Variants in LHFPL2 observed in about 807,000 individuals in gnomAD.
LHFPL2 encodes LHFPL tetraspan subfamily member 2 protein.
LHFPL2 carries 7 observed loss-of-function variants against 17.5 expected under a neutral mutation model. That is an observed-to-expected ratio of 0.40 (90% CI 0.23 to 0.75). LHFPL2 has a LOEUF of 0.75. Ranked by LOEUF, LHFPL2 falls within the 30% of genes least tolerant of loss-of-function variation. LHFPL2 has a pLI of 0.37. For missense variants in LHFPL2, 241 were observed against 294.8 expected (o/e 0.82, Z 1.34); for synonymous variants, 134 against 116.2 (o/e 1.15, Z -0.99).
chr5:78,543,864 G>A (rs7737595), intron 3 of LHFPL2, among the ~76,000 whole-genome samples: 55,030 of 152,162 alleles, frequency 0.36, 10,942 homozygotes, highest in Middle Eastern at 0.47. Context: ...AGGCAGAGAA[G>A]ATGACTTGGG....
chr5:78,569,418 C>T (rs1037739055), intron 2 of LHFPL2, among the ~76,000 whole-genome samples: 12 of 152,178 alleles, frequency 7.9e-5, no homozygotes, highest in Admixed American at 7.2e-4. Flanking sequence ...ATACTATGCA[C>T]AAAGAGCACT....
chr5:78,512,762 C>CTTT (rs1317227243), intron 3 of LHFPL2, among the ~76,000 whole-genome samples: 2 of 134,032 alleles, frequency 1.5e-5, no homozygotes, highest in East Asian at 2.8e-4. Flanking sequence ...TGTAATTTTT[C>CTTT]TTTTCTTTTT....
chr5:78,631,678 G>A (rs1745253554), intron 2 of LHFPL2, among the ~76,000 whole-genome samples: 1 of 152,236 alleles, frequency 6.6e-6, no homozygotes, highest in Non-Finnish European at 1.5e-5. Flanking sequence ...GGTTATGCCT[G>A]TAATCCCAGC....
In LHFPL2 at chr5:78,510,297, G is replaced by A; in HGVS notation, c.-84C>T. ...GTCGGTGGGGAAGGAGGCTCGGGCGGCCCGGGAAGGAAGTCGCAGCTGCAG... is the reference window on the plus strand; with the variant it reads ...GTCGGTGGGGAAGGAGGCTCGGGCGACCCGGGAAGGAAGTCGCAGCTGCAG... On this transcript the variant is annotated 5_prime_UTR_variant, in exon 4 of 5. Coordinates refer to ENST00000380345, the MANE Select transcript of LHFPL2 (RefSeq NM_005779.3). The A allele has an allele frequency of 7.4e-7, 1 of 1,345,758 alleles. No homozygotes were observed. Among genetic ancestry groups the A allele is most frequent in the Non-Finnish European group, 1.0e-6 (1 of 998,820 alleles). The allele number at this position is 1,345,758 out of a possible 1,614,324, so 83.4% of individuals were successfully genotyped here. A position where few individuals can be genotyped will look rare whatever the true frequency, so the allele number is the denominator to read the frequency against.
chr5:78,561,304 G>T (rs553209211), intron 3 of LHFPL2, among the ~76,000 whole-genome samples: 1 of 152,356 alleles, frequency 6.6e-6, no homozygotes, highest in East Asian at 1.9e-4. Context: ...CAGTACCTCA[G>T]TCGCACTAGT....
intron 1 of LHFPL2, among the ~76,000 whole-genome samples, chr5:78,643,664 A>G (rs1399578921): frequency 6.6e-6 from 1 of 152,162 alleles, no homozygotes; most frequent in Non-Finnish European, 1.5e-5. Flanking sequence ...TACTAACCCC[A>G]TATATTGACT....
chr5:78,527,535 C>G (rs1755656616), intron 3 of LHFPL2, among the ~76,000 whole-genome samples: 1 of 151,990 alleles, frequency 6.6e-6, no homozygotes, highest in African/African-American at 2.4e-5. Flanking sequence ...AAATTTGGAC[C>G]AGCCTCCCAT....
chr5:78,552,614 G>A (rs1007062819), intron 3 of LHFPL2, among the ~76,000 whole-genome samples: 26 of 152,176 alleles, frequency 1.7e-4, no homozygotes, highest in African/African-American at 6.0e-4. Context: ...TGCTCCTCTG[G>A]CACGGCCAAA....
chr5:78,493,597 GC>G (rs1432628231), intron 4 of LHFPL2, among the ~76,000 whole-genome samples: 5 of 152,186 alleles, frequency 3.3e-5, no homozygotes, highest in African/African-American at 1.2e-4. Flanking sequence ...AGTGCAGTTT[GC>G]TTTGTAATAA....
At chr5:78,640,070 T>C (rs1363828032) in intron 1 of LHFPL2, among the ~76,000 whole-genome samples, 2 of 152,034 alleles carry the variant, frequency 1.3e-5, no homozygotes, top group Non-Finnish European at 2.9e-5. Flanking sequence ...TGCTGAACAA[T>C]AGAATCAGGA....
intron 3 of LHFPL2, among the ~76,000 whole-genome samples, chr5:78,517,298 C>T (rs1560193): frequency 0.4 from 60,154 of 152,112 alleles, 12,298 homozygotes; most frequent in African/African-American, 0.48. Flanking sequence ...ATGCTCACTG[C>T]CAAGTTTGTT....
intron 3 of LHFPL2, among the ~76,000 whole-genome samples, chr5:78,552,195 G>A (rs1004604668): frequency 7.3e-5 from 11 of 150,718 alleles, no homozygotes; most frequent in Middle Eastern, 3.4e-3. Flanking sequence ...GTGCAGTGGC[G>A]CGATCTTGGT....
chr5:78,523,454 C>T (rs755267870), intron 3 of LHFPL2, among the ~76,000 whole-genome samples: 1 of 151,948 alleles, frequency 6.6e-6, no homozygotes, highest in East Asian at 1.9e-4. Context: ...TAGAAGAAGG[C>T]GGGAGGACCA....
chr5:78,511,682 G>A (rs995002656), intron 3 of LHFPL2, among the ~76,000 whole-genome samples: 5 of 152,078 alleles, frequency 3.3e-5, no homozygotes, highest in South Asian at 4.2e-4. Context: ...TAAAATGCCC[G>A]TTTCTACACC....
Position 78,510,382 on chromosome 5 carries a change from A to AC in LHFPL2, c.-170dup. Reference sequence around the variant, plus strand: ...GGGACAGCGCTCCCGGACCCAGAGCACCGCCTGCGGCCTCACCTAGGGGAG... The same window carrying AC: ...GGGACAGCGCTCCCGGACCCAGAGCACCCGCCTGCGGCCTCACCTAGGGGAG... On this transcript the variant is annotated 5_prime_UTR_variant, in exon 4 of 5. Transcript: ENST00000380345. 1 of 679,078 alleles carries AC rather than the reference A, an allele frequency of 1.5e-6. No homozygotes were observed. Among genetic ancestry groups the AC allele is most frequent in the Non-Finnish European group, 2.4e-6 (1 of 414,832 alleles). 42.1% of individuals were successfully genotyped at this position (679,078 alleles called of 1,614,324 possible).
chr5:78,542,560 C>A (rs1197098499), intron 3 of LHFPL2, among the ~76,000 whole-genome samples: 4 of 152,182 alleles, frequency 2.6e-5, no homozygotes, highest in African/African-American at 7.2e-5. Flanking sequence ...AAGCCCACCT[C>A]CACGCCGTGC....
intron 2 of LHFPL2, among the ~76,000 whole-genome samples, chr5:78,603,707 T>C (rs1453147986): frequency 2.0e-5 from 3 of 152,074 alleles, no homozygotes; most frequent in Non-Finnish European, 4.4e-5. Flanking sequence ...AGCAAGACCC[T>C]ATTCTACTAA....
rs201507954 is a variant in LHFPL2, at chr5:78,575,124, G to C, written c.-244-10253C>G. ...TGCTCAGCTGTGCCTCAGGGACCAC[G>C]TGGCAAGAAGGAGGCTGCAGGCAAC... On this transcript the variant is annotated intron_variant, in intron 2 of 4. Transcript: ENST00000380345. Among the ~76,000 whole-genome samples the C allele has an allele frequency of 4.6e-5, 7 of 152,194 alleles. No individual in the cohort carries two copies. In the East Asian group the frequency reaches 1.3e-3, roughly 29 times the overall value.
intron 1 of LHFPL2, chr5:78,644,709 C>G (rs1481990952): frequency 3.9e-6 from 1 of 254,436 alleles, no homozygotes; most frequent in East Asian, 1.0e-4. Flanking sequence ...TCTTGCACCT[C>G]TCTGAGCATT....
Sources: gnomAD v4.1 joint callset for allele counts (sites outside exome capture counted in the v4.1 genomes callset) on GRCh38, gnomAD v4.1.1 for gene constraint, MANE v1.5 for transcripts, NCBI Gene and HGNC (gene_info 2026-07-23, HGNC 2026-07-21) for gene names.